MDGA1: variants seen among roughly 807,000 people sequenced by gnomAD.
MDGA1 encodes MAM domain containing glycosylphosphatidylinositol anchor 1.
In MDGA1, 54 loss-of-function variants were observed where a neutral mutation model predicts 101.5. The observed-to-expected ratio is 0.53, with a 90% CI of 0.43 to 0.67. The LOEUF is 0.67. Among genes scored for constraint, MDGA1 ranks in the 30% least tolerant of loss-of-function variants. The pLI is 0.00. For missense variants in MDGA1, 1,083 were observed against 1,323.8 expected, an observed-to-expected ratio of 0.82 and a Z score of 2.82; for synonymous variants, 533 against 558.3, an observed-to-expected ratio of 0.95 and a Z score of 0.64.
At chr6:37,672,148 G>GA (rs528798406) in intron 1 of MDGA1, among the ~76,000 whole-genome samples, 2,547 of 142,358 alleles carry the variant, frequency 0.018, 68 homozygotes, top group African/African-American at 0.061. Flanking sequence ...CTAAAAAAAA[G>GA]AAAAAAAAAA....
In MDGA1 at chr6:37,680,026, G is replaced by A. The variant is rs566099298; in HGVS notation, c.68-15920C>T. Among the ~76,000 whole-genome samples, 16 of 152,300 alleles carry A rather than the reference G, an allele frequency of 1.1e-4. No individual in the cohort carries two copies. In the South Asian group the frequency reaches 1.9e-3, roughly 18 times the overall value. On this transcript the variant is annotated intron_variant, in intron 1 of 16. Transcript: ENST00000434837. ...TTACTTGATTCTGAAATTAGATCTCGATGGTGTCATGGAGCCTGGCAAGTC... is the reference window on the plus strand; with the variant it reads ...TTACTTGATTCTGAAATTAGATCTCAATGGTGTCATGGAGCCTGGCAAGTC...
intron 1 of MDGA1, among the ~76,000 whole-genome samples, chr6:37,687,125 C>T (rs1762213280): frequency 6.6e-6 from 1 of 152,164 alleles, no homozygotes. Flanking sequence ...TCAGCTCCTC[C>T]ATCTGGAAAA....
In MDGA1 at chr6:37,638,866, GATTTC is replaced by G. The variant is rs779401387; in HGVS notation, c.2537-204_2537-200del. On this transcript the variant is annotated intron_variant, in intron 14 of 16. Coordinates refer to ENST00000434837, the MANE Select transcript of MDGA1 (RefSeq NM_153487.4). The surrounding 1 kb of genome is among the most constrained non-coding windows in gnomAD (Gnocchi z 4.8). The stretch of plus-strand genomic sequence containing the variant: ...TGTGGGAAAGAGAAGACTTCAGCAG[GATTTC>G]ATTTCATCAGGATGACTTGCAAATT... 98 of 648,490 alleles carry G rather than the reference GATTTC, an allele frequency of 1.5e-4. No homozygotes were observed. The highest frequency in any genetic ancestry group is 2.3e-4 in the Non-Finnish European group (90 of 394,550). The allele number at this position is 648,490 out of a possible 1,614,324, so 40.2% of individuals were successfully genotyped here.
Position 37,638,403 on chromosome 6 carries a change from C to T in MDGA1, c.2668-90G>A. The T allele has an allele frequency of 6.6e-7, 1 of 1,514,704 alleles. No homozygotes were observed. Among genetic ancestry groups the T allele is most frequent in the African/African-American group, 1.4e-5 (1 of 73,048 alleles). The allele number at this position is 1,514,704 out of a possible 1,614,324, so 93.8% of individuals were successfully genotyped here. On this transcript the variant is annotated intron_variant, in intron 15 of 16. Transcript: ENST00000434837. This position sits in a 1 kb window ranked among gnomAD's most constrained non-coding sequence, Gnocchi z 4.8. ...CCTCGACCCCACCTTTCCCCTTAAT[C>T]TACCTGGAAGTTCCCCCTAACCTGA...
chr6:37,637,898 C>T (rs774063682), intron 16 of MDGA1: 19 of 518,544 alleles, frequency 3.7e-5, no homozygotes, highest in Middle Eastern at 7.6e-4. Flanking sequence ...GGAAGGCACA[C>T]GTTCACCTCT....
Position 37,647,231 on chromosome 6 carries a change from G to T in MDGA1, c.1988C>A (p.Thr663Asn). The T allele has an allele frequency of 6.3e-7, 1 of 1,590,014 alleles. No homozygotes were observed. Residue 663 changes from threonine (T) to asparagine (N), a missense_variant, in exon 10 of 17, where the codon ACT becomes AAT. Physicochemically the swap from Thr to Asn is moderately conservative, Grantham distance 65. Around this residue, in one of 3 missense-constraint regions of MDGA1, gnomAD observed 657 missense variants for 771.4 expected, o/e 0.85. Transcript: ENST00000434837. ...GTCGACAGCGTCGGGCTCCCTCTGA[G>T]TCCACTGCAGCACGTAGGAGTAGTT... ...SKNYSYVLQW[T>N]QREPDAVDPV...
intron 3 of MDGA1, among the ~76,000 whole-genome samples, chr6:37,657,688 TGACG>T (rs1444341282): frequency 2.0e-5 from 3 of 152,232 alleles, no homozygotes; most frequent in African/African-American, 7.2e-5. Flanking sequence ...TGACTCAGCC[TGACG>T]GATGACTCAG....
chr6:37,684,290 C>G (rs1199967800), intron 1 of MDGA1, among the ~76,000 whole-genome samples: 1 of 152,220 alleles, frequency 6.6e-6, no homozygotes, highest in Non-Finnish European at 1.5e-5. Flanking sequence ...GGCTCACCTT[C>G]CTACCCACAA....
intron 8 of MDGA1, chr6:37,649,870 A>ATTTTTTTT: frequency 1.1e-5 from 7 of 635,364 alleles, no homozygotes; most frequent in South Asian, 3.3e-5. Flanking sequence ...AAATCAAGTA[A>ATTTTTTTT]TTTTTTTTTT....
At position 37,660,034 on chromosome 6, in the gene MDGA1, C is replaced by CT. The variant is rs759547073; in HGVS notation, c.208-1616dup. ...TACAAAATTCTCAGTCTTTATCTCT[C>CT]TCTTTTTTTTTTTTTAATCACTAGA... is the stretch of plus-strand genomic sequence containing the variant. On this transcript the variant is annotated intron_variant, in intron 2 of 16. Transcript: ENST00000434837. Among the ~76,000 whole-genome samples the CT allele has an allele frequency of 9.7e-5, 7 of 72,392 alleles. No homozygotes were observed. In the Admixed American group the frequency reaches 1.1e-3, roughly 11 times the overall value. The allele number at this position is 72,392 out of a possible 152,430, so 47.5% of individuals were successfully genotyped here.
intron 1 of MDGA1, 46 bp from the exon 2 acceptor site, chr6:37,664,152 G>C: frequency 6.2e-7 from 1 of 1,611,428 alleles, no homozygotes; most frequent in East Asian, 2.2e-5. Context: ...GAGGTGCCAA[G>C]GCCAGAAGAA....
rs761523383 is a variant in MDGA1, at chr6:37,636,061, G to A, written c.*1307C>T. 4 of 244,210 alleles carry A rather than the reference G, an allele frequency of 1.6e-5. No homozygotes were observed. The highest frequency in any genetic ancestry group is 1.1e-4 in the Admixed American group (2 of 17,760). The allele number at this position is 244,210 out of a possible 1,614,324, so 15.1% of individuals were successfully genotyped here. On this transcript the variant is annotated 3_prime_UTR_variant, in exon 17 of 17. Coordinates refer to ENST00000434837, the MANE Select transcript of MDGA1 (RefSeq NM_153487.4). Reference sequence around the variant, plus strand: ...CACAAACACATACACACATATGCACGCATGCCTAAAGAGTCATTCTAGAAG... The same window carrying A: ...CACAAACACATACACACATATGCACACATGCCTAAAGAGTCATTCTAGAAG...
intron 1 of MDGA1, among the ~76,000 whole-genome samples, chr6:37,682,452 C>G (rs985863103): frequency 6.6e-6 from 1 of 152,168 alleles, no homozygotes; most frequent in Non-Finnish European, 1.5e-5. Flanking sequence ...CCATTGCACT[C>G]CAGCCTGGGT....
At position 37,635,768 on chromosome 6, in the gene MDGA1, T is replaced by C. The variant is rs1229143896; in HGVS notation, c.*1600A>G. On this transcript the variant is annotated 3_prime_UTR_variant, in exon 17 of 17. Coordinates refer to ENST00000434837, the MANE Select transcript of MDGA1 (RefSeq NM_153487.4). ...TCATCTGTAAGCTCTCCGTCATCCA[T>C]AGGGGATGAAAGGTGGAATTTCAGG... 1 of 398,596 alleles carries C rather than the reference T, an allele frequency of 2.5e-6. No individual in the cohort carries two copies. Among genetic ancestry groups the C allele is most frequent in the African/African-American group, 2.1e-5 (1 of 48,742 alleles). The allele number at this position is 398,596 out of a possible 1,614,324, so 24.7% of individuals were successfully genotyped here.
chr6:37,634,005 A>T lies in MDGA1; in HGVS notation c.*3363T>A, dbSNP rs1182071167. On this transcript the variant is annotated 3_prime_UTR_variant, in exon 17 of 17. Transcript: ENST00000434837. The surrounding 1 kb of genome is among the most constrained non-coding windows in gnomAD (Gnocchi z 4.7). ...TTTCCCAGAGCACAGGGAAAAGGAG[A>T]ATGAATGAGAAAGAGGTGTCAGGCC... is the stretch of plus-strand genomic sequence containing the variant. 1 of 152,414 alleles carries T rather than the reference A, an allele frequency of 6.6e-6. No homozygotes were observed. The highest frequency in any genetic ancestry group is 1.5e-5 in the Non-Finnish European group (1 of 68,126). 9.4% of individuals were successfully genotyped at this position (152,414 alleles called of 1,614,324 possible).
chr6:37,642,436 T>C (rs892419458), intron 14 of MDGA1, among the ~76,000 whole-genome samples: 2 of 152,080 alleles, frequency 1.3e-5, no homozygotes, highest in African/African-American at 4.8e-5. Flanking sequence ...CCTCCCAAAG[T>C]GCTGGGATTA....
At chr6:37,683,367 CAA>C (rs111944530) in intron 1 of MDGA1, among the ~76,000 whole-genome samples, 1 of 152,202 alleles carries the variant, frequency 6.6e-6, no homozygotes, top group African/African-American at 2.4e-5. Context: ...GATCTAAAAA[CAA>C]AGAGCTCCAC....
chr6:37,666,475 C>T (rs1184149205), intron 1 of MDGA1, among the ~76,000 whole-genome samples: 3 of 152,106 alleles, frequency 2.0e-5, no homozygotes, highest in South Asian at 2.1e-4. Flanking sequence ...AAAGCCTGTA[C>T]AGAATGTACA....
chr6:37,670,967 G>A (rs1761856672), intron 1 of MDGA1, among the ~76,000 whole-genome samples: 1 of 152,298 alleles, frequency 6.6e-6, no homozygotes, highest in Non-Finnish European at 1.5e-5. Context: ...CAGAGGCATG[G>A]CTGGATTTGA....
Sources: gnomAD v4.1 joint callset for allele counts (sites outside exome capture counted in the v4.1 genomes callset) on GRCh38, gnomAD v4.1.1 for gene constraint, gnomAD v4.1.1 regional missense constraint, Gnocchi (gnomAD v3.1) non-coding constraint, MANE v1.5 for transcripts, NCBI Gene and HGNC (gene_info 2026-07-23, HGNC 2026-07-21) for gene names.